The following C8orf89 variants were observed in gnomAD, a reference collection of about 807,000 sequenced individuals.
The protein encoded by C8orf89 is putative uncharacterized protein C8orf89.
Under a neutral mutation model 15.8 loss-of-function variants are expected in C8orf89, and 14 were observed. The observed-to-expected ratio is 0.89, with a 90% CI of 0.59 to 1.39. The LOEUF (loss-of-function observed/expected upper bound fraction) is 1.39. Among genes scored for constraint, C8orf89 ranks in the 40% most tolerant of loss-of-function variants. The pLI is 0.00. For missense variants in C8orf89, 181 were observed against 184.5 expected (o/e 0.98, Z 0.11); for synonymous variants, 55 against 62.2 (o/e 0.88, Z 0.54).
chr8:73,258,995 A>G (rs534651584), intron 1 of C8orf89, among the ~76,000 whole-genome samples: 1 of 152,326 alleles, frequency 6.6e-6, no homozygotes, highest in African/African-American at 2.4e-5. Context: ...TATAAAAATC[A>G]CCTTGAGTTA....
Position 73,257,015 on chromosome 8 carries a change from G to A in C8orf89, c.239C>T (p.Pro80Leu), listed in dbSNP as rs773534149. The change falls in exon 2 of 4, where the codon CCT becomes CTT. Residue 80 changes from proline (P) to leucine (L), a missense_variant. Pro to Leu is a moderately conservative substitution (Grantham distance 98). Transcript: ENST00000624510. ...KSVSSTPLEV[P>L]KRLPRADAEV... is the part of the protein sequence containing the mutation. ...GGCATCAGCACGTGGCAGTCTTTTAGGAACCTCTAGTGGAGTTGAACTTAC... is the reference window on the plus strand; with the variant it reads ...GGCATCAGCACGTGGCAGTCTTTTAAGAACCTCTAGTGGAGTTGAACTTAC... The A allele has an allele frequency of 3.3e-4, 502 of 1,535,160 alleles. No homozygotes were observed. Among genetic ancestry groups the A allele is most frequent in the Non-Finnish European group, 4.3e-4 (488 of 1,146,454 alleles).
At chr8:73,285,428 C>T in the C8orf89 span, among the ~76,000 whole-genome samples, 1 of 152,212 alleles carries the variant, frequency 6.6e-6, no homozygotes, top group Non-Finnish European at 1.5e-5. Flanking sequence ...TCATAAAGTG[C>T]ATCTAGAGCA....
At chr8:73,244,604 T>C (rs1048672985) in intron 3 of C8orf89, among the ~76,000 whole-genome samples, 7 of 152,210 alleles carry the variant, frequency 4.6e-5, no homozygotes, top group Admixed American at 4.6e-4. Flanking sequence ...AAAAAAGCAC[T>C]ATCTTCAATT....
At chr8:73,266,576 T>A in the C8orf89 span, among the ~76,000 whole-genome samples, 1 of 152,158 alleles carries the variant, frequency 6.6e-6, no homozygotes, top group African/African-American at 2.4e-5. Context: ...GGCTTTTCAG[T>A]AGGTGAATGT....
At chr8:73,278,188 C>A in the C8orf89 span, 1 of 207,172 alleles carries the variant, frequency 4.8e-6, no homozygotes, top group Non-Finnish European at 9.7e-6. Flanking sequence ...ATGTATAATT[C>A]TTTCTCATTT....
At chr8:73,277,783 A>C in the C8orf89 span, 2 of 736,688 alleles carry the variant, frequency 2.7e-6, no homozygotes, top group South Asian at 2.7e-5. Flanking sequence ...TCCCCTCAAC[A>C]GAGGAAACAG....
chr8:73,248,459 T>G (rs1475806111), intron 3 of C8orf89, among the ~76,000 whole-genome samples: 1 of 152,198 alleles, frequency 6.6e-6, no homozygotes, highest in African/African-American at 2.4e-5. Context: ...TAAAATAGTT[T>G]TTTCTAGTTC....
chr8:73,256,130 AAATAATAATAATAAT>A (rs71268002), intron 2 of C8orf89, among the ~76,000 whole-genome samples: 1 of 147,980 alleles, frequency 6.8e-6, no homozygotes, highest in African/African-American at 2.5e-5. Flanking sequence ...AATAAATAAC[AAATAATAATAATAAT>A]AATAATAATA....
At chr8:73,283,009 G>A in the C8orf89 span, among the ~76,000 whole-genome samples, 4 of 152,156 alleles carry the variant, frequency 2.6e-5, no homozygotes, top group Non-Finnish European at 1.5e-5. Context: ...TATGCAGTAT[G>A]AATTGAGGTA....
the C8orf89 span, among the ~76,000 whole-genome samples, chr8:73,279,479 C>G: frequency 3.9e-5 from 6 of 152,278 alleles, no homozygotes; most frequent in African/African-American, 1.4e-4. Flanking sequence ...TACCATAGCT[C>G]AAGTAGATGG....
intron 2 of C8orf89, among the ~76,000 whole-genome samples, chr8:73,254,194 G>A (rs967797345): frequency 3.3e-5 from 5 of 152,124 alleles, no homozygotes; most frequent in African/African-American, 1.2e-4. Context: ...AGATAATCAT[G>A]TGGTTTTTGT....
At position 73,257,031 on chromosome 8, in the gene C8orf89, T is replaced by G; in HGVS notation, c.223A>C (p.Thr75Pro). Residue 75 changes from threonine to proline, a missense_variant, in exon 2 of 4, where the codon ACT becomes CCT. Transcript: ENST00000624510. Reference protein sequence around the residue: ...LQSCQKSVSSTPLEVPKRLPR... With the variant: ...LQSCQKSVSSPPLEVPKRLPR... ...AGTCTTTTAGGAACCTCTAGTGGAGTTGAACTTACACTTTTTTGGCAACTT... is the reference window on the plus strand; with the variant it reads ...AGTCTTTTAGGAACCTCTAGTGGAGGTGAACTTACACTTTTTTGGCAACTT... 1 of 1,535,020 alleles carries G rather than the reference T, an allele frequency of 6.5e-7. No individual in the cohort carries two copies. Among genetic ancestry groups the G allele is most frequent in the South Asian group, 1.2e-5 (1 of 84,040 alleles).
At chr8:73,280,740 T>TACAC in the C8orf89 span, among the ~76,000 whole-genome samples, 2 of 150,528 alleles carry the variant, frequency 1.3e-5, 1 homozygote, top group Non-Finnish European at 2.9e-5. Context: ...CACATATATA[T>TACAC]ATACACACAC....
chr8:73,243,161 G>T (rs1218430022), intron 3 of C8orf89, among the ~76,000 whole-genome samples: 1 of 152,184 alleles, frequency 6.6e-6, no homozygotes, highest in Admixed American at 6.5e-5. Context: ...GGCTGGGAAG[G>T]ATAGTGGAGG....
chr8:73,277,522 TCTC>T, the C8orf89 span: 3 of 773,336 alleles, frequency 3.9e-6, no homozygotes, highest in Non-Finnish European at 7.0e-6. Flanking sequence ...GATGAAGCCT[TCTC>T]CTTCCAGGTT....
chr8:73,277,425 TA>T, the C8orf89 span: 1 of 1,177,754 alleles, frequency 8.5e-7, no homozygotes, highest in Non-Finnish European at 1.2e-6. Flanking sequence ...CCAGACAAAG[TA>T]GGTTTACTTT....
In C8orf89 at chr8:73,259,520, T is replaced by C. The variant is rs1698497356; in HGVS notation, c.-62A>G. On this transcript the variant is annotated 5_prime_UTR_variant, in exon 1 of 4. Transcript: ENST00000624510. ...GCTGCTGCAGAGACAGGACACAAAATACAAAAAAAACAAGGCACGTCCGAG... is the reference window on the plus strand; with the variant it reads ...GCTGCTGCAGAGACAGGACACAAAACACAAAAAAAACAAGGCACGTCCGAG... 12 of 1,296,536 alleles carry C rather than the reference T, an allele frequency of 9.3e-6. No homozygotes were observed. Among genetic ancestry groups the C allele is most frequent in the Middle Eastern group, 3.9e-4 (2 of 5,168 alleles). 80.3% of individuals were successfully genotyped at this position (1,296,536 alleles called of 1,614,324 possible). A position where few individuals can be genotyped will look rare whatever the true frequency, so the allele number is the denominator to read the frequency against.
chr8:73,275,279 C>T, the C8orf89 span, among the ~76,000 whole-genome samples: 2 of 136,052 alleles, frequency 1.5e-5, no homozygotes, highest in African/African-American at 5.6e-5. Flanking sequence ...TGCTGTCACC[C>T]AGGCTGGAAT....
chr8:73,268,921 C>G, the C8orf89 span, among the ~76,000 whole-genome samples: 104 of 152,258 alleles, frequency 6.8e-4, no homozygotes, highest in Middle Eastern at 3.4e-3. Context: ...TGAGCTCCTG[C>G]CTACAGGAAG....
Sources: gnomAD v4.1 joint callset for allele counts (sites outside exome capture counted in the v4.1 genomes callset) on GRCh38, gnomAD v4.1.1 for gene constraint, MANE v1.5 for transcripts, NCBI Gene and HGNC (gene_info 2026-07-23, HGNC 2026-07-21) for gene names.